The following SLC2A13 variants were observed in gnomAD, a reference collection of about 807,000 sequenced individuals.
The protein encoded by SLC2A13 is solute carrier family 2 member 13.
Under a neutral mutation model 64.4 loss-of-function variants are expected in SLC2A13, and 32 were observed. The ratio of observed to expected loss-of-function variants is 0.50; its 90% CI spans 0.37 to 0.67. The LOEUF is 0.67. SLC2A13 is among the 30% of genes least tolerant of loss of function. SLC2A13 has a pLI of 0.00. For missense variants in SLC2A13, 743 were observed against 829.2 expected, an observed-to-expected ratio of 0.90 and a Z score of 1.28; for synonymous variants, 338 against 327.1, an observed-to-expected ratio of 1.03 and a Z score of -0.36.
intron 4 of SLC2A13, among the ~76,000 whole-genome samples, chr12:39,948,132 A>G (rs555132504): frequency 6.6e-6 from 1 of 152,304 alleles, no homozygotes; most frequent in South Asian, 2.1e-4. Context: ...TCTCCTATGA[A>G]TAAAGGAAAA....
At chr12:40,094,682 G>A (rs1592079208) in intron 1 of SLC2A13, among the ~76,000 whole-genome samples, 1 of 152,276 alleles carries the variant, frequency 6.6e-6, no homozygotes, top group East Asian at 1.9e-4. Context: ...GAACTACAGA[G>A]AAGGAATATA....
At chr12:39,767,620 T>C (rs957868714) in intron 7 of SLC2A13, among the ~76,000 whole-genome samples, 3 of 152,044 alleles carry the variant, frequency 2.0e-5, no homozygotes, top group South Asian at 2.1e-4. Context: ...TTCATCTACA[T>C]TGAAAAATCT....
rs542783447 is a variant in SLC2A13 at position 40,041,113 on chromosome 12, C to T, written c.716+6938G>A. ...GATTACAGGCGCCCACCACCGCGCCCGGCTAATTTTATTTTTTTAGTAGAG... is the reference window on the plus strand; with the variant it reads ...GATTACAGGCGCCCACCACCGCGCCTGGCTAATTTTATTTTTTTAGTAGAG... On this transcript the variant is annotated intron_variant, in intron 2 of 9. Coordinates refer to ENST00000280871, the MANE Select transcript of SLC2A13 (RefSeq NM_052885.4). Among the ~76,000 whole-genome samples the T allele has an allele frequency of 3.3e-5, 5 of 152,214 alleles. 1 individual carries two copies. The highest frequency in any genetic ancestry group is 9.6e-5 in the African/African-American group (4 of 41,538).
At chr12:40,018,955 C>T (rs1274802551) in intron 3 of SLC2A13, among the ~76,000 whole-genome samples, 3 of 152,074 alleles carry the variant, frequency 2.0e-5, no homozygotes, top group Non-Finnish European at 4.4e-5. Flanking sequence ...TACATTCAAA[C>T]AAGATTGTAA....
chr12:39,901,094 T>G (rs1945090015), intron 4 of SLC2A13, among the ~76,000 whole-genome samples: 2 of 152,190 alleles, frequency 1.3e-5, no homozygotes. Context: ...GGGGAAAGGA[T>G]TCCCTATTTA....
chr12:40,054,248 C>T (rs1003617897), intron 1 of SLC2A13, among the ~76,000 whole-genome samples: 3 of 151,934 alleles, frequency 2.0e-5, no homozygotes, highest in Non-Finnish European at 2.9e-5. Context: ...GAGTTAGGTG[C>T]TTTAAAAATG....
intron 7 of SLC2A13, among the ~76,000 whole-genome samples, chr12:39,821,109 A>C (rs1942494597): frequency 6.6e-6 from 1 of 151,948 alleles, no homozygotes; most frequent in African/African-American, 2.4e-5. Flanking sequence ...TTTTCTTTAG[A>C]GTTCCTTTTA....
intron 7 of SLC2A13, among the ~76,000 whole-genome samples, chr12:39,775,998 G>C (rs1422810155): frequency 6.6e-6 from 1 of 152,116 alleles, no homozygotes; most frequent in African/African-American, 2.4e-5. Context: ...TAGATTTTTG[G>C]ATCAGGAATA....
intron 3 of SLC2A13, among the ~76,000 whole-genome samples, chr12:39,971,659 C>T (rs1465033251): frequency 6.6e-6 from 1 of 151,946 alleles, no homozygotes; most frequent in African/African-American, 2.4e-5. Context: ...GGGTTTGGAA[C>T]AACATATATG....
chr12:39,770,545 G>T (rs1940524554), intron 7 of SLC2A13, among the ~76,000 whole-genome samples: 1 of 152,152 alleles, frequency 6.6e-6, no homozygotes, highest in Non-Finnish European at 1.5e-5. Context: ...GCGGGCACTG[G>T]CATGGTCCTG....
intron 1 of SLC2A13, among the ~76,000 whole-genome samples, chr12:40,076,333 A>C (rs1391177770): frequency 6.6e-6 from 1 of 152,112 alleles, no homozygotes; most frequent in Admixed American, 6.6e-5. Flanking sequence ...AAATAAGCCC[A>C]GTCAGGGTCT....
At chr12:39,770,311 T>C (rs920114735) in intron 7 of SLC2A13, among the ~76,000 whole-genome samples, 2 of 152,136 alleles carry the variant, frequency 1.3e-5, no homozygotes, top group Non-Finnish European at 2.9e-5. Context: ...AGAGTTGCTA[T>C]GAACATCTAG....
intron 4 of SLC2A13, chr12:39,950,615 G>A (rs970909570): frequency 1.3e-5 from 2 of 152,186 alleles, no homozygotes; most frequent in African/African-American, 2.4e-5. Context: ...TGTAGGTCTA[G>A]TGCAACAGAG....
intron 1 of SLC2A13, among the ~76,000 whole-genome samples, chr12:40,080,379 T>C (rs1395450339): frequency 2.0e-5 from 3 of 152,152 alleles, no homozygotes; most frequent in Admixed American, 2.0e-4. Flanking sequence ...GCATTTATCC[T>C]GTTTATGTTC....
At chr12:40,003,056 C>T (rs1460713823) in intron 3 of SLC2A13, among the ~76,000 whole-genome samples, 1 of 152,208 alleles carries the variant, frequency 6.6e-6, no homozygotes, top group Non-Finnish European at 1.5e-5. Context: ...ACCACCCTCT[C>T]CCCTGGTGAA....
chr12:40,026,943 G>A (rs1267624009), intron 3 of SLC2A13, among the ~76,000 whole-genome samples: 1 of 152,164 alleles, frequency 6.6e-6, no homozygotes, highest in Non-Finnish European at 1.5e-5. Flanking sequence ...AGCCAGGCAT[G>A]ATGGCCCATG....
In SLC2A13 at chr12:39,900,561, C is replaced by A. The variant is rs867838964; in HGVS notation, c.1035-28600G>T. Among the ~76,000 whole-genome samples the A allele has an allele frequency of 5.3e-3, 805 of 152,096 alleles. 9 individuals carry two copies. The highest frequency in any genetic ancestry group is 0.019 in the African/African-American group (769 of 41,474). On this transcript the variant is annotated intron_variant, in intron 4 of 9. Coordinates refer to ENST00000280871, the MANE Select transcript of SLC2A13 (RefSeq NM_052885.4). Reference sequence around the variant, plus strand: ...CACCAATAACAGACAAACAGAGAGCCAAATCATGAGTGAACTCCTATTCAC... The same window carrying A: ...CACCAATAACAGACAAACAGAGAGCAAAATCATGAGTGAACTCCTATTCAC...
chr12:40,044,498 T>A (rs1030159784), intron 2 of SLC2A13, among the ~76,000 whole-genome samples: 1 of 152,184 alleles, frequency 6.6e-6, no homozygotes, highest in Non-Finnish European at 1.5e-5. Context: ...AAGTTGTTTT[T>A]ATTAAAAAAT....
intron 4 of SLC2A13, among the ~76,000 whole-genome samples, chr12:39,881,393 A>G (rs993700221): frequency 4.6e-5 from 7 of 152,164 alleles, no homozygotes; most frequent in Non-Finnish European, 8.8e-5. Context: ...CTAGAAATAA[A>G]ATGTTTAAGG....
Sources: allele counts gnomAD v4.1 joint callset (sites outside exome capture counted in the v4.1 genomes callset), GRCh38; gene constraint gnomAD v4.1.1; transcripts MANE v1.5; gene names NCBI Gene and HGNC (gene_info 2026-07-23, HGNC 2026-07-21).